Variants in CEP63 observed in about 807,000 individuals in gnomAD.
CEP63 encodes the protein centrosomal protein 63.
CEP63 carries 84 observed loss-of-function variants against 89.1 expected under a neutral mutation model. The observed-to-expected ratio is 0.94, with a 90% CI of 0.79 to 1.13. The LOEUF is 1.13. Among genes scored for constraint, CEP63 ranks in the 50% most tolerant of loss-of-function variants. The pLI is 0.00. For missense variants in CEP63, 838 were observed against 813.3 expected, an observed-to-expected ratio of 1.03 and a Z score of -0.37; for synonymous variants, 267 against 272.5, an observed-to-expected ratio of 0.98 and a Z score of 0.20.
intron 12 of CEP63, among the ~76,000 whole-genome samples, chr3:134,555,021 C>A (rs1955841769): frequency 6.6e-6 from 1 of 152,024 alleles, no homozygotes; most frequent in African/African-American, 2.4e-5. Flanking sequence ...AAGACAAAAA[C>A]CACATGATTA....
chr3:134,682,010 C>A, the CEP63 span, among the ~76,000 whole-genome samples: 1 of 152,210 alleles, frequency 6.6e-6, no homozygotes, highest in Non-Finnish European at 1.5e-5. Flanking sequence ...GCCTCTGGAT[C>A]ACCCAGCTCC....
chr3:134,690,743 A>ATTT, the CEP63 span, among the ~76,000 whole-genome samples: 12 of 120,800 alleles, frequency 9.9e-5, 1 homozygote, highest in African/African-American at 3.8e-4. Context: ...GAAGACCAAG[A>ATTT]TTTTTTTTTT....
the CEP63 span, among the ~76,000 whole-genome samples, chr3:134,689,591 A>G: frequency 6.6e-6 from 1 of 152,026 alleles, no homozygotes; most frequent in Non-Finnish European, 1.5e-5. Flanking sequence ...AGCTGGGACT[A>G]CAGGAGCCTG....
rs544867125 is a variant in CEP63, at chr3:134,585,556, A to T, written c.1207-1902A>T. On this transcript the variant is annotated intron_variant, in intron 10 of 10. Transcript: ENST00000683931. Reference sequence around the variant, plus strand: ...ATTTGATTGCATTGTAGTCTGAGAGATAGTTTGTTGTGATTTCTGTTCTCT... The same window carrying T: ...ATTTGATTGCATTGTAGTCTGAGAGTTAGTTTGTTGTGATTTCTGTTCTCT... Among the ~76,000 whole-genome samples, 4 of 152,206 alleles carry T rather than the reference A, an allele frequency of 2.6e-5. No homozygotes were observed. The East Asian group carries it at 7.7e-4, about 29-fold the overall frequency.
chr3:134,502,107 TTC>T (rs1259403150), intron 2 of CEP63, among the ~76,000 whole-genome samples: 4 of 152,226 alleles, frequency 2.6e-5, no homozygotes, highest in African/African-American at 9.6e-5. Flanking sequence ...TTGTTTTTAA[TTC>T]TGTTTATGTG....
chr3:134,604,122 G>A, the CEP63 span: 5 of 1,610,030 alleles, frequency 3.1e-6, no homozygotes, highest in Non-Finnish European at 4.2e-6. Flanking sequence ...TGAAGCTGAT[G>A]GAGCAGCGCC....
At chr3:134,583,444 C>G (rs1277411146) in intron 10 of CEP63, among the ~76,000 whole-genome samples, 1 of 152,122 alleles carries the variant, frequency 6.6e-6, no homozygotes, top group African/African-American at 2.4e-5. Context: ...GGAATCCTTT[C>G]CCCATTTCTT....
At chr3:134,757,409 C>T in the CEP63 span, among the ~76,000 whole-genome samples, 24 of 152,198 alleles carry the variant, frequency 1.6e-4, no homozygotes, top group Non-Finnish European at 1.3e-4. Flanking sequence ...ATTTCATGGT[C>T]AAACAGTTAG....
intron 2 of CEP63, among the ~76,000 whole-genome samples, chr3:134,496,893 A>G (rs989803116): frequency 2.0e-5 from 3 of 152,194 alleles, no homozygotes; most frequent in Non-Finnish European, 4.4e-5. Flanking sequence ...ATTCTCACCA[A>G]CAGCATATGA....
intron 3 of CEP63, among the ~76,000 whole-genome samples, chr3:134,512,400 T>C (rs1051448417): frequency 3.3e-5 from 5 of 152,200 alleles, no homozygotes; most frequent in Non-Finnish European, 7.3e-5. Flanking sequence ...GTGAAATGAG[T>C]AAGAAATTTA....
the CEP63 span, chr3:134,639,909 C>A: frequency 6.8e-6 from 1 of 146,346 alleles, no homozygotes; most frequent in Non-Finnish European, 1.4e-5. Context: ...ATGATCGCAC[C>A]TCTGCACTCC....
chr3:134,486,453 G>T, intron 1 of CEP63: 6 of 985,574 alleles, frequency 6.1e-6, no homozygotes, highest in Non-Finnish European at 7.2e-6. Context: ...CCTGCACACT[G>T]GCGGAGTCTG....
chr3:134,495,499 A>T, intron 2 of CEP63, 135 bp downstream of exon 2: 1 of 637,648 alleles, frequency 1.6e-6, no homozygotes, highest in Non-Finnish European at 2.8e-6. Flanking sequence ...CTATCAGCTC[A>T]AGCATTTATC....
At chr3:134,674,962 G>A in the CEP63 span, among the ~76,000 whole-genome samples, 1 of 152,134 alleles carries the variant, frequency 6.6e-6, no homozygotes, top group Non-Finnish European at 1.5e-5. Context: ...TTCATATTAA[G>A]ATCCCCAAAC....
At chr3:134,492,070 C>CTTTTTTTTTTTTTTTTTTTTTT (rs74269453) in intron 1 of CEP63, among the ~76,000 whole-genome samples, 2 of 103,682 alleles carry the variant, frequency 1.9e-5, no homozygotes, top group African/African-American at 7.4e-5. Flanking sequence ...TATTTGTATT[C>CTTTTTTTTTTTTTTTTTTTTTT]TTTTTTTTTT....
chr3:134,705,195 C>T, the CEP63 span, among the ~76,000 whole-genome samples: 1 of 152,178 alleles, frequency 6.6e-6, no homozygotes, highest in South Asian at 2.1e-4. Context: ...TCTTAGCTCA[C>T]AGTTCTGTGG....
chr3:134,774,154 T>G, the CEP63 span, among the ~76,000 whole-genome samples: 1 of 152,272 alleles, frequency 6.6e-6, no homozygotes, highest in South Asian at 2.1e-4. Flanking sequence ...GGGCATTATT[T>G]CTTAACTGAC....
Position 134,558,128 on chromosome 3 carries a change from T to G in CEP63, c.1468-14T>G. ...TTGTACAGATTAAGTGACTCTAGTA[T>G]TCTTTTTTATTAGGCAAAAGAGATT... On this transcript the variant is annotated splice_polypyrimidine_tract_variant and intron_variant, in intron 12 of 14. Transcript: ENST00000675561. 1 of 1,596,696 alleles carries G rather than the reference T, an allele frequency of 6.3e-7. No homozygotes were observed. The highest frequency in any genetic ancestry group is 8.6e-7 in the Non-Finnish European group (1 of 1,164,688).
chr3:134,619,192 C>T, the CEP63 span: 1 of 1,613,962 alleles, frequency 6.2e-7, no homozygotes, highest in African/African-American at 1.3e-5. Flanking sequence ...CACAGTTGGT[C>T]TTCTGGGTCC....
Sources: gnomAD v4.1 joint callset for allele counts (sites outside exome capture counted in the v4.1 genomes callset) on GRCh38, gnomAD v4.1.1 for gene constraint, MANE v1.5 for transcripts, NCBI Gene and HGNC (gene_info 2026-07-23, HGNC 2026-07-21) for gene names.